KALRN: variants seen among roughly 807,000 people sequenced by gnomAD.
The protein encoded by KALRN is kalirin RhoGEF kinase.
Under a neutral mutation model 353.7 loss-of-function variants are expected in KALRN, and 70 were observed. The observed-to-expected ratio is 0.20, with a 90% confidence interval of 0.16 to 0.24. KALRN has a LOEUF of 0.24. Ranked by LOEUF, KALRN falls within the 10% of genes least tolerant of loss-of-function variation. The pLI is 1.00. For missense variants in KALRN, 2,791 were observed against 3,756.7 expected (o/e 0.74, Z 6.72); for synonymous variants, 1,391 against 1,434.8 (o/e 0.97, Z 0.69).
At chr3:124,252,433 C>T (rs888164978) in intron 3 of KALRN, among the ~76,000 whole-genome samples, 3 of 152,170 alleles carry the variant, frequency 2.0e-5, no homozygotes, top group East Asian at 1.9e-4. Flanking sequence ...AAGTGTTCTA[C>T]GCATCTATGA....
At chr3:124,481,563 C>T (rs2061989253) in intron 27 of KALRN, among the ~76,000 whole-genome samples, 1 of 152,156 alleles carries the variant, frequency 6.6e-6, no homozygotes, top group South Asian at 2.1e-4. Flanking sequence ...ACCATCATAT[C>T]CTAACTCTTT....
At position 124,398,842 on chromosome 3, in the gene KALRN, C is replaced by T; in HGVS notation, c.2317C>T (p.Leu773=). The T allele has an allele frequency of 3.1e-6, 5 of 1,613,610 alleles. No homozygotes were observed. The highest frequency in any genetic ancestry group is 4.2e-6 in the Non-Finnish European group (5 of 1,179,740). ...RKIKLDIFLQ[L]RIFEQYTIEV... ...GATCAAGCTGGACATCTTCCTGCAA[C>T]TGCGCATCTTTGAGCAGTACACCAT... Residue 773 remains leucine, a synonymous_variant, in exon 13 of 60, where the codon CTG becomes TTG. Coordinates refer to ENST00000682506, the MANE Select transcript of KALRN (RefSeq NM_001388419.1).
chr3:124,118,436 G>T (rs933401420), intron 1 of KALRN, among the ~76,000 whole-genome samples: 3 of 151,788 alleles, frequency 2.0e-5, no homozygotes, highest in African/African-American at 7.3e-5. Context: ...TGGGAGAGAG[G>T]GTTTCTGCAG....
At chr3:124,698,028 G>A (rs2062136687) in intron 55 of KALRN, among the ~76,000 whole-genome samples, 2 of 152,062 alleles carry the variant, frequency 1.3e-5, no homozygotes, top group African/African-American at 4.8e-5. Flanking sequence ...GGAGTGCAGT[G>A]GTGCAATGTG....
At chr3:124,063,011 G>T (rs547883109) in intron 1 of KALRN, among the ~76,000 whole-genome samples, 11 of 152,322 alleles carry the variant, frequency 7.2e-5, no homozygotes, top group Non-Finnish European at 1.6e-4. Flanking sequence ...GGAGGAGAGA[G>T]CTAGATGCAC....
At chr3:124,360,529 C>T (rs1218229269) in intron 10 of KALRN, among the ~76,000 whole-genome samples, 1 of 152,172 alleles carries the variant, frequency 6.6e-6, no homozygotes, top group African/African-American at 2.4e-5. Flanking sequence ...CATATTTTAC[C>T]TTGCACAGTG....
At chr3:124,322,453 G>A (rs970621727) in intron 6 of KALRN, among the ~76,000 whole-genome samples, 19 of 152,326 alleles carry the variant, frequency 1.2e-4, no homozygotes, top group Non-Finnish European at 2.6e-4. Context: ...CAGCTCTGCA[G>A]ATGGAAAGGC....
intron 1 of KALRN, among the ~76,000 whole-genome samples, chr3:124,041,800 C>T (rs2039996228): frequency 6.6e-6 from 1 of 152,190 alleles, no homozygotes; most frequent in Non-Finnish European, 1.5e-5. Context: ...TGACTGACAG[C>T]CACAGAGCTG....
chr3:124,189,805 G>A (rs2074679049), intron 1 of KALRN, among the ~76,000 whole-genome samples: 1 of 152,090 alleles, frequency 6.6e-6, no homozygotes, highest in South Asian at 2.1e-4. Flanking sequence ...TGGGTGTGGT[G>A]GCATGCGCCT....
chr3:124,521,972 A>G (rs1470328121), intron 33 of KALRN, among the ~76,000 whole-genome samples: 3 of 152,198 alleles, frequency 2.0e-5, no homozygotes, highest in African/African-American at 7.2e-5. Context: ...TGGAGCATAC[A>G]TTCTAGCTGG....
chr3:124,239,518 G>C (rs574013091), intron 3 of KALRN, among the ~76,000 whole-genome samples: 2 of 152,326 alleles, frequency 1.3e-5, no homozygotes, highest in African/African-American at 4.8e-5. Flanking sequence ...TATCATATTG[G>C]TGAGGAAAGA....
At chr3:124,553,107 C>T (rs2070756329) in intron 33 of KALRN, among the ~76,000 whole-genome samples, 1 of 152,152 alleles carries the variant, frequency 6.6e-6, no homozygotes, top group Non-Finnish European at 1.5e-5. Context: ...GATATCAGTG[C>T]AAGAAAACAC....
intron 34 of KALRN, among the ~76,000 whole-genome samples, chr3:124,618,746 G>A (rs2078942627): frequency 6.6e-6 from 1 of 152,128 alleles, no homozygotes. Context: ...GAGCTTGGGA[G>A]GGCTGCATGC....
Position 124,507,132 on chromosome 3 carries a change from G to T in KALRN, c.4935+10719G>T, listed in dbSNP as rs578192456. On this transcript the variant is annotated intron_variant, in intron 33 of 59. Transcript: ENST00000682506. Reference sequence around the variant, plus strand: ...AAAAGGATTTGAAGGTATATGGAGTGGGTGTAGTTTGTTAAAGAGAGGTAC... The same window carrying T: ...AAAAGGATTTGAAGGTATATGGAGTTGGTGTAGTTTGTTAAAGAGAGGTAC... Among the ~76,000 whole-genome samples, 5 of 152,192 alleles carry T rather than the reference G, an allele frequency of 3.3e-5. No homozygotes were observed. In the South Asian group the frequency reaches 1.0e-3, roughly 32 times the overall value.
At chr3:124,248,986 G>T (rs1580013826) in intron 3 of KALRN, among the ~76,000 whole-genome samples, 2 of 152,218 alleles carry the variant, frequency 1.3e-5, no homozygotes, top group Admixed American at 1.3e-4. Flanking sequence ...GGAAATTCAG[G>T]CTTCACCCTC....
intron 58 of KALRN, 106 bp downstream of exon 58, chr3:124,713,241 T>A: frequency 1.1e-6 from 1 of 912,028 alleles, no homozygotes. Flanking sequence ...GTCCTATCAT[T>A]TGCAAAGTGC....
chr3:124,357,388 C>G (rs1245173964), intron 10 of KALRN, among the ~76,000 whole-genome samples: 2 of 152,232 alleles, frequency 1.3e-5, no homozygotes, highest in African/African-American at 4.8e-5. Flanking sequence ...GTTATGGAAC[C>G]TATAGATGGC....
At chr3:124,249,244 C>G (rs1344707059) in intron 3 of KALRN, among the ~76,000 whole-genome samples, 1 of 152,214 alleles carries the variant, frequency 6.6e-6, no homozygotes, top group Admixed American at 6.5e-5. Flanking sequence ...GGACCCAGTT[C>G]TTGCCTTCAG....
chr3:124,671,075 C>G (rs906229706), intron 47 of KALRN, among the ~76,000 whole-genome samples: 1 of 152,206 alleles, frequency 6.6e-6, no homozygotes, highest in Non-Finnish European at 1.5e-5. Flanking sequence ...AGCCTTCTGT[C>G]TCATCCTCTC....
Sources: allele counts gnomAD v4.1 joint callset (sites outside exome capture counted in the v4.1 genomes callset), GRCh38; gene constraint gnomAD v4.1.1; transcripts MANE v1.5; gene names NCBI Gene and HGNC (gene_info 2026-07-23, HGNC 2026-07-21).